VPS26A: variants seen among roughly 807,000 people sequenced by gnomAD.
The protein encoded by VPS26A is VPS26 retromer complex component A.
VPS26A carries 22 observed loss-of-function variants against 42.4 expected under a neutral mutation model. The observed-to-expected ratio is 0.52, with a 90% CI of 0.37 to 0.74. VPS26A has a LOEUF of 0.74. Ranked by LOEUF, VPS26A falls within the 30% of genes least tolerant of loss-of-function variation. The probability of loss-of-function intolerance (pLI) is 0.00; values close to 1 mark genes in which losing one functional copy is unlikely to be tolerated. For synonymous variants in VPS26A, 110 were observed against 123.5 expected (o/e 0.89, Z 0.73); for missense variants, 276 against 379.2 (o/e 0.73, Z 2.26).
intron 2 of VPS26A, among the ~76,000 whole-genome samples, chr10:69,148,021 T>A (rs796836962): frequency 6.6e-6 from 1 of 152,242 alleles, no homozygotes; most frequent in Non-Finnish European, 1.5e-5. Context: ...CCCTGTATTG[T>A]GTTTTCATAT....
chr10:69,144,497 T>TAGACAG (rs1841112152), intron 2 of VPS26A, among the ~76,000 whole-genome samples: 1 of 152,220 alleles, frequency 6.6e-6, no homozygotes, highest in Non-Finnish European at 1.5e-5. Flanking sequence ...TAATTTTGTC[T>TAGACAG]TTTCTAGAAT....
chr10:69,163,868 C>T (rs1462569950), intron 6 of VPS26A, among the ~76,000 whole-genome samples: 1 of 150,728 alleles, frequency 6.6e-6, no homozygotes, highest in East Asian at 1.9e-4. Context: ...AGGGTTCACG[C>T]CATTCTCCTG....
At chr10:69,150,253 A>C (rs1841271735) in intron 2 of VPS26A, among the ~76,000 whole-genome samples, 1 of 150,234 alleles carries the variant, frequency 6.7e-6, no homozygotes, top group Non-Finnish European at 1.5e-5. Flanking sequence ...ACGGGGTTTC[A>C]CCATGTTGGT....
rs766415082 is a variant in VPS26A, at chr10:69,124,289, G to C, written c.3+9G>C. ...CGGCGGCGTTGACAATGGTGAGTGC[G>C]CGGCGGCCAGCGCGCTCGCCTCCCG... On this transcript the variant is annotated intron_variant, in intron 1 of 8. Transcript: ENST00000263559. 7.9e-7 allele frequency: 1 copy of C among 1,258,112 alleles called. No homozygotes were observed. Among genetic ancestry groups the C allele is most frequent in the African/African-American group, 1.5e-5 (1 of 64,574 alleles). 77.9% of individuals were successfully genotyped at this position (1,258,112 alleles called of 1,614,324 possible).
intron 2 of VPS26A, among the ~76,000 whole-genome samples, chr10:69,135,750 T>G (rs1394024919): frequency 6.6e-6 from 1 of 152,168 alleles, no homozygotes; most frequent in Non-Finnish European, 1.5e-5. Flanking sequence ...GGTTTGAGAT[T>G]TTTTTCATTT....
intron 2 of VPS26A, among the ~76,000 whole-genome samples, chr10:69,143,259 G>T (rs1163004235): frequency 6.6e-6 from 1 of 152,146 alleles, no homozygotes; most frequent in South Asian, 2.1e-4. Flanking sequence ...CGCTGTCTTG[G>T]TAGGTAACTC....
chr10:69,163,864 C>T (rs1193917970), intron 6 of VPS26A, among the ~76,000 whole-genome samples: 1 of 148,160 alleles, frequency 6.7e-6, no homozygotes, highest in East Asian at 2.0e-4. Flanking sequence ...CTCCAGGGTT[C>T]ACGCCATTCT....
chr10:69,166,426 C>CCTG (rs61608132), intron 7 of VPS26A, among the ~76,000 whole-genome samples: 6,324 of 152,144 alleles, frequency 0.042, 453 homozygotes, highest in African/African-American at 0.14. Flanking sequence ...TGTTTTTTCT[C>CCTG]CTGACCACAA....
At chr10:69,127,442 A>G (rs893825405) in intron 1 of VPS26A, among the ~76,000 whole-genome samples, 16 of 151,368 alleles carry the variant, frequency 1.1e-4, no homozygotes, top group African/African-American at 3.9e-4. Flanking sequence ...AGTCCCAGCT[A>G]CTCGGGAGGC....
intron 2 of VPS26A, among the ~76,000 whole-genome samples, chr10:69,149,378 C>G (rs1841239893): frequency 6.6e-6 from 1 of 152,026 alleles, no homozygotes; most frequent in African/African-American, 2.4e-5. Context: ...TATAAACTGT[C>G]CTGTATTTTT....
At chr10:69,143,471 C>G (rs1432083599) in intron 2 of VPS26A, among the ~76,000 whole-genome samples, 1 of 152,178 alleles carries the variant, frequency 6.6e-6, no homozygotes, top group Non-Finnish European at 1.5e-5. Context: ...ACGTGAGTTT[C>G]TGTATGCCTA....
intron 2 of VPS26A, among the ~76,000 whole-genome samples, chr10:69,153,879 A>G (rs910887255): frequency 2.6e-5 from 4 of 152,098 alleles, no homozygotes; most frequent in Non-Finnish European, 4.4e-5. Flanking sequence ...GACTACATAC[A>G]TCTTTCAATA....
At chr10:69,167,815 A>G (rs144679614) in intron 7 of VPS26A, among the ~76,000 whole-genome samples, 27 of 152,098 alleles carry the variant, frequency 1.8e-4, no homozygotes, top group African/African-American at 6.0e-4. Flanking sequence ...GAGAATCTGA[A>G]TAACAGTCTT....
chr10:69,142,044 C>T (rs929264216), intron 2 of VPS26A, among the ~76,000 whole-genome samples: 10 of 151,918 alleles, frequency 6.6e-5, no homozygotes, highest in East Asian at 1.9e-4. Context: ...CCACCACGCC[C>T]GGCTAATTTT....
At chr10:69,154,001 A>C (rs1439006596) in intron 2 of VPS26A, among the ~76,000 whole-genome samples, 1 of 152,210 alleles carries the variant, frequency 6.6e-6, no homozygotes, top group Non-Finnish European at 1.5e-5. Context: ...ACACATGCAG[A>C]GAAACACCCA....
intron 2 of VPS26A, among the ~76,000 whole-genome samples, chr10:69,142,441 A>G (rs555154489): frequency 3.5e-5 from 5 of 143,594 alleles, no homozygotes; most frequent in African/African-American, 1.3e-4. Context: ...TGATTCCCCA[A>G]CCTTGACCTC....
intron 1 of VPS26A, among the ~76,000 whole-genome samples, chr10:69,127,093 A>ATT (rs71035057): frequency 0.057 from 5,582 of 97,452 alleles, 228 homozygotes; most frequent in South Asian, 0.098. Flanking sequence ...CACCCGGCCA[A>ATT]TTTTTTTTTT....
In VPS26A at chr10:69,156,899, A is replaced by G. The variant is rs7075726; in HGVS notation, c.230-108A>G. ...GCATAGGTCTAGTTTATTAGAGACA[A>G]ACTCAATAATTCTTTTGGTAAAAAT... On this transcript the variant is annotated intron_variant, in intron 3 of 8. Transcript: ENST00000263559. 10,283 of 1,052,848 alleles carry G rather than the reference A, an allele frequency of 9.8e-3. 696 individuals carry two copies. In the African/African-American group the frequency reaches 0.15, roughly 15 times the overall value. The allele number at this position is 1,052,848 out of a possible 1,614,324, so 65.2% of individuals were successfully genotyped here. A position where few individuals can be genotyped will look rare whatever the true frequency, so the allele number is the denominator to read the frequency against.
At chr10:69,133,689 T>A (rs1001078015) in intron 2 of VPS26A, 66 of 1,054,266 alleles carry the variant, frequency 6.3e-5, no homozygotes, top group Non-Finnish European at 8.3e-5. Context: ...TGTTTTGTTT[T>A]GTTTCGTTTT....
Sources: gnomAD v4.1 joint callset for allele counts (sites outside exome capture counted in the v4.1 genomes callset) on GRCh38, gnomAD v4.1.1 for gene constraint, MANE v1.5 for transcripts, NCBI Gene and HGNC (gene_info 2026-07-23, HGNC 2026-07-21) for gene names.